Variants in PLCZ1 observed in about 807,000 individuals in gnomAD.
The protein encoded by PLCZ1 is 1-phosphatidylinositol 4,5-bisphosphate phosphodiesterase zeta-1.
PLCZ1 carries 64 observed loss-of-function variants against 76.8 expected under a neutral mutation model. The observed-to-expected ratio is 0.83, with a 90% confidence interval of 0.68 to 1.03. PLCZ1 has a LOEUF of 1.03. Among genes scored for constraint, PLCZ1 ranks in the 50% least tolerant of loss-of-function variants. The pLI, the probability that PLCZ1 is intolerant of heterozygous loss-of-function variation, is 0.00. For synonymous variants in PLCZ1, 248 were observed against 230.8 expected (o/e 1.07, Z -0.68); for missense variants, 751 against 713.7 (o/e 1.05, Z -0.60).
At position 18,723,562 on chromosome 12, in the gene PLCZ1, T is replaced by C; in HGVS notation, c.136-20A>G. On this transcript the variant is annotated intron_variant, in intron 3 of 14. Coordinates refer to ENST00000266505, the MANE Select transcript of PLCZ1 (RefSeq NM_033123.4). ...ATTGTCCTACTAAAAAAATGACTGGTGGGCTCACATTGTGAGTATAAAAAA... is the reference window on the plus strand; with the variant it reads ...ATTGTCCTACTAAAAAAATGACTGGCGGGCTCACATTGTGAGTATAAAAAA... The C allele has an allele frequency of 1.3e-6, 2 of 1,565,262 alleles. No homozygotes were observed. Among genetic ancestry groups the C allele is most frequent in the African/African-American group, 2.7e-5 (2 of 74,038 alleles).
intron 10 of PLCZ1, 56 bp from the exon 11 acceptor site, chr12:18,696,322 C>CTATATAAATATATATATATATATATA (rs1954985513): frequency 4.0e-6 from 1 of 253,072 alleles, no homozygotes; most frequent in African/African-American, 6.1e-5. Flanking sequence ...TAAAAAGCCA[C>CTATATAAATATATATATATATATATA]TATATATATA....
intron 3 of PLCZ1, among the ~76,000 whole-genome samples, chr12:18,732,684 T>C (rs1280790425): frequency 6.6e-6 from 1 of 152,208 alleles, no homozygotes; most frequent in Non-Finnish European, 1.5e-5. Context: ...TAAGTTTGAC[T>C]GTTTTAGATT....
intron 12 of PLCZ1, 75 bp from the exon 13 acceptor site, chr12:18,688,293 A>G (rs1953489397): frequency 2.7e-6 from 4 of 1,469,490 alleles, no homozygotes; most frequent in Non-Finnish European, 3.7e-6. Context: ...AAATTAAGTT[A>G]TGTATTACAA....
intron 13 of PLCZ1, among the ~76,000 whole-genome samples, chr12:18,685,140 AGTT>A (rs1266161968): frequency 3.9e-5 from 6 of 152,042 alleles, no homozygotes; most frequent in Non-Finnish European, 8.8e-5. Flanking sequence ...TTCCATACTT[AGTT>A]GTTAGACTGA....
At chr12:18,676,455 C>T in the PLCZ1 span, among the ~76,000 whole-genome samples, 1 of 152,058 alleles carries the variant, frequency 6.6e-6, no homozygotes, top group East Asian at 1.9e-4. Flanking sequence ...GTGAAAATGC[C>T]TGCATTTGCC....
At chr12:18,703,198 T>C (rs1172420660) in intron 7 of PLCZ1, among the ~76,000 whole-genome samples, 1 of 152,188 alleles carries the variant, frequency 6.6e-6, no homozygotes, top group African/African-American at 2.4e-5. Flanking sequence ...TCCACCACAA[T>C]TGAACACATT....
intron 1 of PLCZ1, 86 bp downstream of exon 1, chr12:18,737,846 C>G: frequency 3.6e-6 from 1 of 278,104 alleles, no homozygotes; most frequent in Non-Finnish European, 6.8e-6. Context: ...CATTGTGATT[C>G]CTGAAGTTGC....
At chr12:18,716,557 CT>C (rs1167433589) in intron 5 of PLCZ1, among the ~76,000 whole-genome samples, 1 of 152,184 alleles carries the variant, frequency 6.6e-6, no homozygotes, top group African/African-American at 2.4e-5. Flanking sequence ...CTCTCATTCA[CT>C]GCTGTTTTTT....
the PLCZ1 span, among the ~76,000 whole-genome samples, chr12:18,673,971 C>A: frequency 2.0e-5 from 3 of 152,254 alleles, no homozygotes; most frequent in Non-Finnish European, 4.4e-5. Context: ...AGTGACATCA[C>A]CTTCATGTTG....
At chr12:18,650,740 A>G in the PLCZ1 span, among the ~76,000 whole-genome samples, 244 of 32,304 alleles carry the variant, frequency 7.6e-3, 1 homozygote, top group African/African-American at 0.024. Context: ...ATATATATAT[A>G]TATATATATA....
the PLCZ1 span, among the ~76,000 whole-genome samples, chr12:18,659,052 A>G: frequency 6.6e-6 from 1 of 152,108 alleles, no homozygotes; most frequent in African/African-American, 2.4e-5. Context: ...AAGAGTTGCT[A>G]TGGAAAGGAA....
chr12:18,733,965 A>T lies in PLCZ1; in HGVS notation c.135+2256T>A, dbSNP rs190378766. Among the ~76,000 whole-genome samples the T allele has an allele frequency of 2.6e-5, 4 of 152,244 alleles. No homozygotes were observed. In the East Asian group the frequency reaches 7.7e-4, roughly 29 times the overall value. ...GTTATTCAGGGTCTTTTTTGATTCC[A>T]ATATGAATTTTAGGATTGTTTCTTC... On this transcript the variant is annotated intron_variant, in intron 3 of 14. Transcript: ENST00000266505.
intron 5 of PLCZ1, chr12:18,714,625 C>G (rs1361631349): frequency 6.6e-6 from 1 of 152,038 alleles, no homozygotes; most frequent in Non-Finnish European, 1.5e-5. Flanking sequence ...AGATATTTTT[C>G]CATAGAAAAC....
the PLCZ1 span, chr12:18,648,429 TCTGTAA>T: frequency 4.8e-6 from 1 of 207,362 alleles, no homozygotes; most frequent in Non-Finnish European, 9.9e-6. Flanking sequence ...TCTAGGTATA[TCTGTAA>T]TCAATTTTTA....
At chr12:18,716,998 G>A (rs1958059928) in intron 5 of PLCZ1, among the ~76,000 whole-genome samples, 1 of 152,056 alleles carries the variant, frequency 6.6e-6, no homozygotes, top group Non-Finnish European at 1.5e-5. Flanking sequence ...AGAAATATGA[G>A]CACTAGAAAC....
intron 5 of PLCZ1, among the ~76,000 whole-genome samples, chr12:18,718,897 T>C (rs1204068109): frequency 1.3e-5 from 2 of 152,196 alleles, no homozygotes; most frequent in African/African-American, 4.8e-5. Flanking sequence ...GATAGGTACA[T>C]TGTTAGGTAT....
At chr12:18,713,650 AG>A (rs1388855024) in intron 5 of PLCZ1, 1 of 152,294 alleles carries the variant, frequency 6.6e-6, no homozygotes, top group East Asian at 1.9e-4. Context: ...GAGAAAATCA[AG>A]GTTTATGCAA....
chr12:18,677,008 C>T, the PLCZ1 span, among the ~76,000 whole-genome samples: 1 of 152,034 alleles, frequency 6.6e-6, no homozygotes, highest in African/African-American at 2.4e-5. Context: ...AGATATTTGT[C>T]ATAAATCACC....
At chr12:18,671,208 A>G in the PLCZ1 span, among the ~76,000 whole-genome samples, 1 of 151,478 alleles carries the variant, frequency 6.6e-6, no homozygotes, top group Non-Finnish European at 1.5e-5. Flanking sequence ...AAAAAGAAAG[A>G]AAGAAAAAGA....
Sources: allele counts gnomAD v4.1 joint callset (sites outside exome capture counted in the v4.1 genomes callset), GRCh38; gene constraint gnomAD v4.1.1; transcripts MANE v1.5; gene names NCBI Gene and HGNC (gene_info 2026-07-23, HGNC 2026-07-21).